Variants in RFFL observed in about 807,000 individuals in gnomAD.
The protein encoded by RFFL is E3 ubiquitin-protein ligase rififylin.
Under a neutral mutation model 40.4 loss-of-function variants are expected in RFFL, and 16 were observed. That is an observed-to-expected ratio of 0.40 (90% CI 0.27 to 0.60). RFFL has a LOEUF of 0.60. RFFL is among the 20% of genes least tolerant of loss of function. RFFL has a pLI of 0.47. For missense variants in RFFL, 367 were observed against 451.7 expected (o/e 0.81, Z 1.70); for synonymous variants, 154 against 167.9 (o/e 0.92, Z 0.64).
intron 1 of RFFL, among the ~76,000 whole-genome samples, chr17:35,075,984 T>C (rs2091373700): frequency 1.4e-5 from 2 of 142,680 alleles, no homozygotes; most frequent in South Asian, 4.3e-4. Context: ...TATCAATTTA[T>C]TCTTTTTTTT....
At chr17:35,037,839 T>A (rs1249874539) in intron 1 of RFFL, among the ~76,000 whole-genome samples, 2 of 152,200 alleles carry the variant, frequency 1.3e-5, no homozygotes, top group Non-Finnish European at 2.9e-5. Flanking sequence ...CTACAGGAAC[T>A]TTCCTATCAT....
upstream of RFFL, among the ~76,000 whole-genome samples, chr17:35,064,539 T>A (rs908997784): frequency 8.6e-5 from 13 of 150,482 alleles, no homozygotes; most frequent in Non-Finnish European, 1.5e-4. Flanking sequence ...GAATTGACAT[T>A]GGTGTTATAC....
At chr17:35,082,254 A>C (rs1480206964) in intron 1 of RFFL, among the ~76,000 whole-genome samples, 1 of 152,228 alleles carries the variant, frequency 6.6e-6, no homozygotes, top group East Asian at 1.9e-4. Flanking sequence ...GTCTAAAGGA[A>C]GGACAGCTTT....
intron 1 of RFFL, among the ~76,000 whole-genome samples, chr17:35,042,598 G>A (rs994645470): frequency 6.6e-6 from 1 of 152,054 alleles, no homozygotes; most frequent in African/African-American, 2.4e-5. Flanking sequence ...AAGGCAGGCG[G>A]ATCACCTGAG....
intron 1 of RFFL, among the ~76,000 whole-genome samples, chr17:35,050,915 T>C (rs537882477): frequency 6.6e-6 from 1 of 152,218 alleles, no homozygotes; most frequent in Admixed American, 6.5e-5. Context: ...GAGGTTGTGG[T>C]GAGCCAAGAT....
chr17:35,027,213 G>C (rs1245768539), intron 1 of RFFL, among the ~76,000 whole-genome samples: 1 of 151,914 alleles, frequency 6.6e-6, no homozygotes, highest in African/African-American at 2.4e-5. Flanking sequence ...TCTTACATTT[G>C]TACCCCCAAT....
At chr17:35,073,965 A>G (rs367883161) in intron 1 of RFFL, 7 of 152,280 alleles carry the variant, frequency 4.6e-5, no homozygotes, top group Non-Finnish European at 8.8e-5. Context: ...AACTAGTAAA[A>G]TAAGTAACAA....
At chr17:35,021,867 C>T in intron 2 of RFFL, 86 bp from the exon 3 acceptor site, 1 of 1,282,664 alleles carries the variant, frequency 7.8e-7, no homozygotes, top group Non-Finnish European at 1.1e-6. Context: ...GCTGCCAAGC[C>T]CAGCAGGATC....
chr17:35,077,663 A>G (rs2091383865), intron 1 of RFFL, among the ~76,000 whole-genome samples: 1 of 152,204 alleles, frequency 6.6e-6, no homozygotes, highest in Admixed American at 6.5e-5. Context: ...ATAGCTTCTG[A>G]TTTAAAGGCA....
chr17:35,021,263 C>G, intron 3 of RFFL, 108 bp downstream of exon 3: 2 of 1,130,392 alleles, frequency 1.8e-6, no homozygotes. Context: ...TTCACATAAT[C>G]AAGACACTTA....
chr17:35,021,740 A>G lies in RFFL; in HGVS notation c.222T>C (p.Cys74=). 6.2e-7 allele frequency: 1 copy of G among 1,614,238 alleles called. No homozygotes were observed. The highest frequency in any genetic ancestry group is 8.5e-7 in the Non-Finnish European group (1 of 1,180,038). ...GGGGCCCATTCCCTACTTGGCTCGA[A>G]CAGGTCATGCAAAAATTTTTCTTAC... ...LDCKKNFCMT[C]SSQVGNGPRL... is the part of the protein sequence containing the mutation. Residue 74 remains cysteine, a synonymous_variant, in exon 3 of 7, where the codon TGT becomes TGC. Transcript: ENST00000394597.
chr17:35,075,801 A>G (rs1234153067), intron 1 of RFFL, among the ~76,000 whole-genome samples: 1 of 152,126 alleles, frequency 6.6e-6, no homozygotes, highest in Non-Finnish European at 1.5e-5. Flanking sequence ...TAAAAAGCAA[A>G]CACAAAAGCG....
Position 35,017,525 on chromosome 17 carries a change from G to T in RFFL, c.673C>A (p.Gln225Lys). ...VARVPAEDET[Q>K]SIDSEDSFVP... ...ACAGACCCAAGCAGAGGCCCCACCT[G>T]GGTCTCATCCTCAGCAGGTACTCTG... is the stretch of plus-strand genomic sequence containing the variant. Residue 225 changes from glutamine (Q) to lysine (K), a missense_variant and splice_region_variant, in exon 4 of 7, where the codon CAG becomes AAG. Coordinates refer to ENST00000394597, the MANE Select transcript of RFFL (RefSeq NM_001017368.2). 2 of 1,606,046 alleles carry T rather than the reference G, an allele frequency of 1.2e-6. No homozygotes were observed. Among genetic ancestry groups the T allele is most frequent in the Non-Finnish European group, 8.5e-7 (1 of 1,174,896 alleles).
intron 1 of RFFL, among the ~76,000 whole-genome samples, chr17:35,081,332 CAT>C (rs1423707106): frequency 6.6e-6 from 1 of 152,118 alleles, no homozygotes; most frequent in South Asian, 2.1e-4. Flanking sequence ...TTCTGTGAAA[CAT>C]ATAGAAAAAT....
At chr17:35,082,479 T>C (rs1477913532) in intron 1 of RFFL, among the ~76,000 whole-genome samples, 3 of 152,234 alleles carry the variant, frequency 2.0e-5, no homozygotes, top group African/African-American at 7.2e-5. Context: ...ATGCCAACAC[T>C]CCACTCATTC....
Position 35,060,797 on chromosome 17 carries a change from C to T in RFFL, c.-9+2779G>A, listed in dbSNP as rs906153746. On this transcript the variant is annotated intron_variant, in intron 1 of 6. Transcript: ENST00000394597. ...ATAACGGTTTGAGCCCGGAGATCCA[C>T]GTCAGCCACTCTCTCTGATGGTGCC... Among the ~76,000 whole-genome samples, 6 of 152,286 alleles carry T rather than the reference C, an allele frequency of 3.9e-5. No homozygotes were observed. In the East Asian group the frequency reaches 7.7e-4, roughly 20 times the overall value.
chr17:35,075,076 G>A (rs146553948), intron 1 of RFFL, among the ~76,000 whole-genome samples: 18 of 152,204 alleles, frequency 1.2e-4, no homozygotes, highest in African/African-American at 3.4e-4. Context: ...GCAGGCAGAG[G>A]GACTTTCAAA....
chr17:35,064,015 G>A (rs1241140343), upstream of RFFL, among the ~76,000 whole-genome samples: 2 of 152,222 alleles, frequency 1.3e-5, no homozygotes, highest in East Asian at 3.8e-4. Flanking sequence ...ACAGGCTGGG[G>A]CTGGGGCCAG....
At chr17:35,084,479 A>G (rs935408792) in intron 1 of RFFL, among the ~76,000 whole-genome samples, 1 of 152,148 alleles carries the variant, frequency 6.6e-6, no homozygotes, top group African/African-American at 2.4e-5. Context: ...CTGTGGTCCC[A>G]GCTACTTGGG....
Sources: allele counts gnomAD v4.1 joint callset (sites outside exome capture counted in the v4.1 genomes callset), GRCh38; gene constraint gnomAD v4.1.1; transcripts MANE v1.5; gene names NCBI Gene and HGNC (gene_info 2026-07-23, HGNC 2026-07-21).